The following LPIN1 variants were observed in gnomAD, a reference collection of about 807,000 sequenced individuals.
LPIN1 encodes the protein phosphatidate phosphatase LPIN1.
In LPIN1, 71 loss-of-function variants were observed where a neutral mutation model predicts 107.5. The ratio of observed to expected loss-of-function variants is 0.66; its 90% CI spans 0.55 to 0.80. The LOEUF (loss-of-function observed/expected upper bound fraction) is 0.80. Among genes scored for constraint, LPIN1 ranks in the 30% least tolerant of loss-of-function variants. LPIN1 has a pLI of 0.00. For missense variants in LPIN1, 1,043 were observed against 1,160.6 expected (o/e 0.90, Z 1.47); for synonymous variants, 445 against 452.6 (o/e 0.98, Z 0.21).
At chr2:11,708,030 G>A (rs926106183) in intron 1 of LPIN1, among the ~76,000 whole-genome samples, 2 of 152,166 alleles carry the variant, frequency 1.3e-5, no homozygotes, top group East Asian at 1.9e-4. Context: ...CATCAGATCC[G>A]CATCCGAGAC....
At chr2:11,696,274 C>T (rs1018688739) in intron 1 of LPIN1, among the ~76,000 whole-genome samples, 1 of 150,106 alleles carries the variant, frequency 6.7e-6, no homozygotes, top group African/African-American at 2.5e-5. Flanking sequence ...TGAGTGAGAA[C>T]ATGTGGTGTT....
Position 11,815,066 on chromosome 2 carries a change from G to A in LPIN1, c.2250-22G>A, listed in dbSNP as rs1680340156. On this transcript the variant is annotated intron_variant, in intron 17 of 20. Transcript: ENST00000674199. Reference sequence around the variant, plus strand: ...GTTCCATTTTCTGATGCCATGAAATGTGAATGTTTTATGTCTTTCAGGAAT... The same window carrying A: ...GTTCCATTTTCTGATGCCATGAAATATGAATGTTTTATGTCTTTCAGGAAT... The A allele has an allele frequency of 1.9e-6, 3 of 1,612,584 alleles. No individual in the cohort carries two copies. The East Asian group carries it at 6.7e-5, about 36-fold the overall frequency.
Position 11,773,651 on chromosome 2 carries a change from G to T in LPIN1, c.628G>T (p.Asp210Tyr). ...TCCTAATGATATACCTCCATTCCAA[G>T]ATGATATTCCTGAGGAAAACCTCTC... The part of the protein sequence containing the change: ...TLPNDIPPFQ[D>Y]DIPEENLSLA... The change falls in exon 5 of 21, where the codon GAT (aspartate) becomes TAT (tyrosine). Residue 210 changes from aspartate (D) to tyrosine (Y), a missense_variant. Transcript: ENST00000674199. 1 of 1,610,802 alleles carries T rather than the reference G, an allele frequency of 6.2e-7. No individual in the cohort carries two copies. The highest frequency in any genetic ancestry group is 8.5e-7 in the Non-Finnish European group (1 of 1,177,656).
chr2:11,741,616 C>A (rs1455454772), upstream of LPIN1, among the ~76,000 whole-genome samples: 1 of 151,942 alleles, frequency 6.6e-6, no homozygotes, highest in East Asian at 1.9e-4. Context: ...AAATACACAT[C>A]CTGGCTAACA....
At chr2:11,725,956 C>T (rs986756107) in intron 1 of LPIN1, among the ~76,000 whole-genome samples, 1 of 152,286 alleles carries the variant, frequency 6.6e-6, no homozygotes, top group East Asian at 1.9e-4. Flanking sequence ...CAGGAGTTAA[C>T]GCACGGCAGA....
chr2:11,705,337 C>A (rs73915494), intron 1 of LPIN1, among the ~76,000 whole-genome samples: 4 of 152,172 alleles, frequency 2.6e-5, no homozygotes, highest in Non-Finnish European at 5.9e-5. Flanking sequence ...TATTGACTAC[C>A]GTGTGCCAGC....
Position 11,774,164 on chromosome 2 carries a change from G to A in LPIN1, c.722+419G>A, listed in dbSNP as rs933844409. On this transcript the variant is annotated intron_variant, in intron 5 of 20. Coordinates refer to ENST00000674199, the MANE Select transcript of LPIN1 (RefSeq NM_001349206.2). The surrounding 1 kb of genome is among the most constrained non-coding windows in gnomAD (Gnocchi z 4.4). ...TCCGCCACACTTAATCCATTCTGCC[G>A]AATTCAAGAATATTTATTTCCCTGA... Among the ~76,000 whole-genome samples, 4 of 152,144 alleles carry A rather than the reference G, an allele frequency of 2.6e-5. No homozygotes were observed. The highest frequency in any genetic ancestry group is 1.9e-4 in the East Asian group (1 of 5,194).
intron 17 of LPIN1, among the ~76,000 whole-genome samples, chr2:11,806,745 A>G (rs115816887): frequency 1.3e-5 from 2 of 152,354 alleles, no homozygotes; most frequent in Non-Finnish European, 2.9e-5. Flanking sequence ...TTATGGAAAC[A>G]GTAAAGCGCA....
rs933755405 is a variant in LPIN1, at chr2:11,786,320, G to A, written c.1550-754G>A. The stretch of plus-strand genomic sequence containing the variant: ...TCTGATGTCTGCTGGGTTTCGGTTC[G>A]GTTCAGGGTAAATAGGAGCTCCCAG... On this transcript the variant is annotated intron_variant, in intron 10 of 20. Transcript: ENST00000674199. The surrounding 1 kb of genome is among the most constrained non-coding windows in gnomAD (Gnocchi z 4.1). 1.3e-5 allele frequency among the ~76,000 whole-genome samples: 2 copies of A among 152,126 alleles called. No individual in the cohort carries two copies. Among genetic ancestry groups the A allele is most frequent in the African/African-American group, 4.8e-5 (2 of 41,438 alleles).
chr2:11,777,267 C>G (rs1672813809), intron 6 of LPIN1: 1 of 152,176 alleles, frequency 6.6e-6, no homozygotes, highest in African/African-American at 2.4e-5. Flanking sequence ...TGTGTTTGTG[C>G]ACGAGACCTT....
In LPIN1 at chr2:11,754,601, T is replaced by C. The variant is rs115403628; in HGVS notation, c.-10+7930T>C. Among the ~76,000 whole-genome samples, 1,437 of 152,334 alleles carry C rather than the reference T, an allele frequency of 9.4e-3. 20 individuals are homozygous for C. Among genetic ancestry groups the C allele is most frequent in the African/African-American group, 0.032 (1,344 of 41,570 alleles). ...AAGGTGTCACATCCAGGGCCAACCC[T>C]GAGCCTTGCTTCTGTAGCCACCTCC... On this transcript the variant is annotated intron_variant, in intron 1 of 20. Transcript: ENST00000674199.
chr2:11,820,542 T>A (rs781772763), intron 20 of LPIN1, 28 bp downstream of exon 20: 3 of 1,498,250 alleles, frequency 2.0e-6, no homozygotes, highest in Admixed American at 3.3e-5. Context: ...TTTATGTGAT[T>A]ATGATATCAG....
At chr2:11,724,307 A>T, upstream of LPIN1, 5 of 983,972 alleles carry the variant, frequency 5.1e-6, no homozygotes, top group Non-Finnish European at 4.8e-6. Flanking sequence ...CTGCCGCCCA[A>T]CAATGGCCTT....
intron 19 of LPIN1, 64 bp from the exon 20 acceptor site, chr2:11,820,347 T>C: frequency 9.5e-7 from 1 of 1,054,448 alleles, no homozygotes; most frequent in Non-Finnish European, 1.5e-6. Flanking sequence ...AGAAATACCA[T>C]GGACTTGTTT....
intron 13 of LPIN1, among the ~76,000 whole-genome samples, chr2:11,793,252 A>C (rs1676096928): frequency 6.6e-6 from 1 of 152,152 alleles, no homozygotes; most frequent in Admixed American, 6.5e-5. Context: ...AGGTCCTATC[A>C]GTTTTCCATC....
intron 1 of LPIN1, among the ~76,000 whole-genome samples, chr2:11,708,859 G>A (rs62116211): frequency 0.4 from 60,334 of 151,942 alleles, 14,107 homozygotes; most frequent in South Asian, 0.55. Context: ...TGATGATAAC[G>A]AATATATATT....
rs955408942 is a variant in LPIN1, at chr2:11,774,208, C to T, written c.722+463C>T. Among the ~76,000 whole-genome samples the T allele has an allele frequency of 9.9e-5, 15 of 152,224 alleles. No homozygotes were observed. The highest frequency in any genetic ancestry group is 3.6e-4 in the African/African-American group (15 of 41,504). On this transcript the variant is annotated intron_variant, in intron 5 of 20. Coordinates refer to ENST00000674199, the MANE Select transcript of LPIN1 (RefSeq NM_001349206.2). This position sits in a 1 kb window ranked among gnomAD's most constrained non-coding sequence, Gnocchi z 4.4. ...TCCCTGAAATGAACTCACAAGTTGC[C>T]CTAGAGGAAAACTTGGAGAACTAGA...
intron 14 of LPIN1, among the ~76,000 whole-genome samples, chr2:11,801,933 A>G (rs1677817120): frequency 6.6e-6 from 1 of 152,166 alleles, no homozygotes; most frequent in African/African-American, 2.4e-5. Context: ...AATAAAAAAT[A>G]CGAAAGACAG....
At chr2:11,696,898 G>C (rs1662614093) in intron 1 of LPIN1, among the ~76,000 whole-genome samples, 1 of 152,214 alleles carries the variant, frequency 6.6e-6, no homozygotes, top group Non-Finnish European at 1.5e-5. Flanking sequence ...GCTACGCCCA[G>C]GTGTGCCTCC....
Sources: allele counts gnomAD v4.1 joint callset (sites outside exome capture counted in the v4.1 genomes callset), GRCh38; gene constraint gnomAD v4.1.1; non-coding constraint Gnocchi (gnomAD v3.1); transcripts MANE v1.5; gene names NCBI Gene and HGNC (gene_info 2026-07-23, HGNC 2026-07-21).